The following ST6GALNAC3 variants were observed in gnomAD, a reference collection of about 807,000 sequenced individuals.
The protein encoded by ST6GALNAC3 is ST6 N-acetylgalactosaminide alpha-2,6-sialyltransferase 3.
A neutral mutation model predicts 32.7 loss-of-function variants in ST6GALNAC3; 25 were observed. That is an observed-to-expected ratio of 0.76 (90% CI 0.56 to 1.07). The LOEUF is 1.07. Among genes scored for constraint, ST6GALNAC3 ranks in the 50% least tolerant of loss-of-function variants. The pLI, the probability that ST6GALNAC3 is intolerant of heterozygous loss-of-function variation, is 0.00. For synonymous variants in ST6GALNAC3, 129 were observed against 133.1 expected, an observed-to-expected ratio of 0.97 and a Z score of 0.21; for missense variants, 355 against 382.4, an observed-to-expected ratio of 0.93 and a Z score of 0.60.
At chr1:76,353,085 C>G (rs965193070) in intron 2 of ST6GALNAC3, among the ~76,000 whole-genome samples, 2 of 152,254 alleles carry the variant, frequency 1.3e-5, no homozygotes, top group Admixed American at 6.5e-5. Context: ...TAGAATTACT[C>G]CACTCCCCTT....
chr1:76,393,819 G>A (rs963311340), intron 2 of ST6GALNAC3, among the ~76,000 whole-genome samples: 7 of 151,796 alleles, frequency 4.6e-5, no homozygotes, highest in African/African-American at 1.5e-4. Context: ...CTGGTAACAA[G>A]AGAGTCTTTA....
At chr1:76,150,771 C>T (rs747402907) in intron 1 of ST6GALNAC3, among the ~76,000 whole-genome samples, 2 of 152,276 alleles carry the variant, frequency 1.3e-5, no homozygotes, top group African/African-American at 4.8e-5. Context: ...CACCTCATAT[C>T]GGTGCAGAGA....
At chr1:76,526,811 G>A (rs1012934477) in intron 3 of ST6GALNAC3, among the ~76,000 whole-genome samples, 1 of 151,774 alleles carries the variant, frequency 6.6e-6, no homozygotes, top group African/African-American at 2.4e-5. Flanking sequence ...ATATTTAATT[G>A]CTGTAGACAC....
At chr1:76,128,653 G>A (rs1649409792) in intron 1 of ST6GALNAC3, among the ~76,000 whole-genome samples, 1 of 152,116 alleles carries the variant, frequency 6.6e-6, no homozygotes, top group Admixed American at 6.5e-5. Flanking sequence ...CCCCAAATAT[G>A]GAGTGCTTCC....
chr1:76,406,126 G>A (rs981773729), intron 2 of ST6GALNAC3, among the ~76,000 whole-genome samples: 2 of 152,010 alleles, frequency 1.3e-5, no homozygotes, highest in African/African-American at 4.8e-5. Context: ...TGTGAACATA[G>A]TACCCCAGTC....
At chr1:76,233,629 G>A (rs1398513411) in intron 1 of ST6GALNAC3, among the ~76,000 whole-genome samples, 6 of 152,172 alleles carry the variant, frequency 3.9e-5, no homozygotes, top group Admixed American at 3.9e-4. Flanking sequence ...CTATTGTTAA[G>A]TATTTTGAGT....
chr1:76,278,098 T>C (rs1659274847), intron 1 of ST6GALNAC3, among the ~76,000 whole-genome samples: 1 of 135,924 alleles, frequency 7.4e-6, no homozygotes, highest in Non-Finnish European at 1.5e-5. Context: ...CTTTGTAACA[T>C]TATAATGTTG....
intron 1 of ST6GALNAC3, among the ~76,000 whole-genome samples, chr1:76,295,202 G>A (rs1032918547): frequency 4.0e-5 from 6 of 151,822 alleles, no homozygotes; most frequent in African/African-American, 9.7e-5. Context: ...TAAAGCTACC[G>A]AAGATAGGTA....
chr1:76,447,639 G>A (rs1302100645), intron 3 of ST6GALNAC3, among the ~76,000 whole-genome samples: 3 of 152,142 alleles, frequency 2.0e-5, no homozygotes, highest in African/African-American at 7.2e-5. Context: ...CCCTCCCCGT[G>A]TAGCCTAGGG....
intron 1 of ST6GALNAC3, among the ~76,000 whole-genome samples, chr1:76,281,040 T>C (rs984240663): frequency 6.6e-6 from 1 of 152,206 alleles, no homozygotes. Flanking sequence ...TTTGAGTACT[T>C]ACTATTACTA....
chr1:76,381,583 G>C (rs1289943359), intron 2 of ST6GALNAC3, among the ~76,000 whole-genome samples: 1 of 152,048 alleles, frequency 6.6e-6, no homozygotes, highest in Non-Finnish European at 1.5e-5. Flanking sequence ...ATTACTGTTT[G>C]TAGGAATCAG....
chr1:76,544,581 A>G (rs1664179744), intron 3 of ST6GALNAC3, among the ~76,000 whole-genome samples: 2 of 152,196 alleles, frequency 1.3e-5, no homozygotes, highest in African/African-American at 2.4e-5. Context: ...GCAACTTGCC[A>G]TTTAATACAC....
chr1:76,300,805 T>C (rs913072853), intron 1 of ST6GALNAC3, among the ~76,000 whole-genome samples: 7 of 152,000 alleles, frequency 4.6e-5, no homozygotes, highest in African/African-American at 1.7e-4. Context: ...CTACAGGATG[T>C]GAAGTGTGCT....
intron 1 of ST6GALNAC3, among the ~76,000 whole-genome samples, chr1:76,283,224 T>C (rs1445762886): frequency 6.6e-6 from 1 of 152,148 alleles, no homozygotes; most frequent in African/African-American, 2.4e-5. Context: ...TATTATTTGT[T>C]GATGTTACAG....
At chr1:76,384,845 A>G (rs527520239) in intron 2 of ST6GALNAC3, among the ~76,000 whole-genome samples, 74 of 152,244 alleles carry the variant, frequency 4.9e-4, no homozygotes, top group African/African-American at 1.6e-3. Flanking sequence ...ATGCAAATCA[A>G]AAATAACCCT....
chr1:76,333,322 C>G (rs1647237268), intron 2 of ST6GALNAC3, among the ~76,000 whole-genome samples: 2 of 152,102 alleles, frequency 1.3e-5, no homozygotes, highest in African/African-American at 4.8e-5. Flanking sequence ...TAAGTAATAA[C>G]TTTCTGGGCA....
At chr1:76,143,959 G>T (rs1650507704) in intron 1 of ST6GALNAC3, among the ~76,000 whole-genome samples, 1 of 152,106 alleles carries the variant, frequency 6.6e-6, no homozygotes, top group Non-Finnish European at 1.5e-5. Flanking sequence ...TAGCCTTTTG[G>T]GCCTCAGTCT....
intron 1 of ST6GALNAC3, among the ~76,000 whole-genome samples, chr1:76,263,692 G>T (rs149935567): frequency 6.6e-6 from 1 of 152,210 alleles, no homozygotes; most frequent in Non-Finnish European, 1.5e-5. Flanking sequence ...AGACTTCTGG[G>T]TAAACACATT....
intron 3 of ST6GALNAC3, among the ~76,000 whole-genome samples, chr1:76,626,231 T>C (rs137923931): frequency 2.3e-3 from 345 of 151,864 alleles, no homozygotes; most frequent in African/African-American, 8.0e-3. Flanking sequence ...CAGAGAGCGG[T>C]TATCAGTATC....
Sources: allele counts gnomAD v4.1 joint callset (sites outside exome capture counted in the v4.1 genomes callset), GRCh38; gene constraint gnomAD v4.1.1; transcripts MANE v1.5; gene names NCBI Gene and HGNC (gene_info 2026-07-23, HGNC 2026-07-21).